The following CAST variants were observed in gnomAD, a reference collection of about 807,000 sequenced individuals.
The protein encoded by CAST is MIR583 host.
In CAST, 76 loss-of-function variants were observed where a neutral mutation model predicts 119.6. The ratio of observed to expected loss-of-function variants is 0.64; its 90% confidence interval spans 0.53 to 0.77. The LOEUF is 0.77. CAST is among the 30% of genes least tolerant of loss of function. The pLI is 0.00. For synonymous variants in CAST, 319 were observed against 331.6 expected (o/e 0.96, Z 0.41); for missense variants, 953 against 946.5 (o/e 1.01, Z -0.09).
At chr5:96,156,606 TA>T in the CAST span, among the ~76,000 whole-genome samples, 1 of 152,224 alleles carries the variant, frequency 6.6e-6, no homozygotes, top group Non-Finnish European at 1.5e-5. Context: ...AATAACTCCC[TA>T]AATTTGAGCT....
chr5:96,292,081 A>T, the CAST span, among the ~76,000 whole-genome samples: 2 of 152,224 alleles, frequency 1.3e-5, no homozygotes, highest in Non-Finnish European at 1.5e-5. Context: ...AATGAGAAGG[A>T]AAGAGGCAAA....
the CAST span, chr5:96,392,714 T>A: frequency 2.1e-6 from 1 of 465,958 alleles, no homozygotes; most frequent in Non-Finnish European, 3.9e-6. Flanking sequence ...AGTGTTCTAA[T>A]GTAGTGTAAG....
At chr5:96,410,850 G>T in the CAST span, 1 of 1,614,092 alleles carries the variant, frequency 6.2e-7, no homozygotes, top group Non-Finnish European at 8.5e-7. Context: ...GTACCAGGGG[G>T]ATAGGCCTTG....
the CAST span, among the ~76,000 whole-genome samples, chr5:96,194,399 CT>C: frequency 1.2e-3 from 182 of 152,198 alleles, no homozygotes; most frequent in African/African-American, 4.3e-3. Context: ...ATTTAAGATT[CT>C]AATAATTTGT....
chr5:96,279,381 T>A, the CAST span, among the ~76,000 whole-genome samples: 17 of 152,208 alleles, frequency 1.1e-4, no homozygotes, highest in Non-Finnish European at 2.5e-4. Context: ...TCACTTTTTG[T>A]GCCAAACCAG....
the CAST span, among the ~76,000 whole-genome samples, chr5:96,316,812 A>G: frequency 3.0e-4 from 45 of 152,348 alleles, no homozygotes; most frequent in Admixed American, 1.0e-3. Context: ...CCTGGGTTAT[A>G]TATGCTGTAA....
chr5:96,004,828 G>T, the CAST span, among the ~76,000 whole-genome samples: 1 of 152,170 alleles, frequency 6.6e-6, no homozygotes, highest in South Asian at 2.1e-4. Flanking sequence ...CAGGTTGAAA[G>T]TACCCACTGA....
chr5:96,667,824 C>G (rs912319814), intron 1 of CAST, among the ~76,000 whole-genome samples: 4 of 152,108 alleles, frequency 2.6e-5, no homozygotes, highest in Admixed American at 1.3e-4. Flanking sequence ...ACCAGCCTGG[C>G]CAAGATGGTG....
At chr5:96,005,970 G>A in the CAST span, among the ~76,000 whole-genome samples, 4 of 151,998 alleles carry the variant, frequency 2.6e-5, no homozygotes, top group Non-Finnish European at 5.9e-5. Flanking sequence ...ATTGTATCTT[G>A]TTTATAAATA....
intron 2 of CAST, 35 bp downstream of exon 2, chr5:96,675,636 T>G: frequency 6.8e-7 from 1 of 1,477,618 alleles, no homozygotes; most frequent in Non-Finnish European, 9.4e-7. Flanking sequence ...CATTTTCTCT[T>G]GCTTTTAAAC....
At chr5:96,235,942 A>G in the CAST span, among the ~76,000 whole-genome samples, 1 of 152,218 alleles carries the variant, frequency 6.6e-6, no homozygotes, top group East Asian at 1.9e-4. Flanking sequence ...CCAGATCACA[A>G]GGTCCCAGAT....
At chr5:96,283,834 ATGACTTCACAAAC>A in the CAST span, among the ~76,000 whole-genome samples, 1 of 152,324 alleles carries the variant, frequency 6.6e-6, no homozygotes, top group South Asian at 2.1e-4. Flanking sequence ...CCTTTCTCAA[ATGACTTCACAAAC>A]TGTTAGTAAC....
chr5:96,662,564 G>T lies in CAST; in HGVS notation c.75+67G>T, dbSNP rs1436927377. 3.8e-6 allele frequency: 5 copies of T among 1,321,484 alleles called. No individual in the cohort carries two copies. The African/African-American group carries it at 6.2e-5, about 16-fold the overall frequency. The allele number at this position is 1,321,484 out of a possible 1,614,324, so 81.9% of individuals were successfully genotyped here. A position where few individuals can be genotyped will look rare whatever the true frequency, so the allele number is the denominator to read the frequency against. On this transcript the variant is annotated intron_variant, in intron 1 of 31. Coordinates refer to ENST00000675179, the MANE Select transcript of CAST (RefSeq NM_001750.7). ...GGTACCGGGTCCCGGAGCTGTGGCC[G>T]CCCTCCCTGGGCGTTGCCAGGCTGG... is the stretch of plus-strand genomic sequence containing the variant.
At chr5:96,683,635 C>T (rs1364698567) in intron 2 of CAST, among the ~76,000 whole-genome samples, 2 of 152,166 alleles carry the variant, frequency 1.3e-5, no homozygotes, top group African/African-American at 4.8e-5. Flanking sequence ...TGGTATTTCT[C>T]TGTGTGGTCC....
the CAST span, among the ~76,000 whole-genome samples, chr5:96,396,561 C>CAA: frequency 0.38 from 46,663 of 121,910 alleles, 8,143 homozygotes; most frequent in African/African-American, 0.46. Context: ...GACTCCGTCT[C>CAA]AAAAAAAAAA....
the CAST span, among the ~76,000 whole-genome samples, chr5:96,049,904 A>G: frequency 6.7e-6 from 1 of 149,126 alleles, no homozygotes; most frequent in Admixed American, 6.7e-5. Context: ...AAAAAAAAAA[A>G]AAAAAAAAAA....
chr5:96,304,754 G>T, the CAST span, among the ~76,000 whole-genome samples: 2 of 152,160 alleles, frequency 1.3e-5, no homozygotes, highest in Admixed American at 6.5e-5. Flanking sequence ...AAGATCAGAT[G>T]GTTGTAGACG....
At chr5:96,626,556 C>G (rs17086391) in intron 1 of CAST, among the ~76,000 whole-genome samples, 39,702 of 152,076 alleles carry the variant, frequency 0.26, 6,461 homozygotes, top group East Asian at 0.51. Flanking sequence ...CCTGATTCCT[C>G]TGATGAAGCC....
the CAST span, among the ~76,000 whole-genome samples, chr5:95,969,817 T>C: frequency 2.6e-5 from 4 of 152,190 alleles, no homozygotes; most frequent in Non-Finnish European, 5.9e-5. Flanking sequence ...CTGGCAGGCA[T>C]TTGAAAATGT....
Sources: allele counts gnomAD v4.1 joint callset (sites outside exome capture counted in the v4.1 genomes callset), GRCh38; gene constraint gnomAD v4.1.1; transcripts MANE v1.5; gene names NCBI Gene and HGNC (gene_info 2026-07-23, HGNC 2026-07-21).